MMP16: variants seen among roughly 807,000 people sequenced by gnomAD.
MMP16 encodes matrix metallopeptidase 16.
In MMP16, 12 loss-of-function variants were observed where a neutral mutation model predicts 67.8. That is an observed-to-expected ratio of 0.18 (90% CI 0.11 to 0.29). MMP16 has a LOEUF of 0.29. Among genes scored for constraint, MMP16 ranks in the 10% least tolerant of loss-of-function variants. The pLI, the probability that MMP16 is intolerant of heterozygous loss-of-function variation, is 1.00. For synonymous variants in MMP16, 249 were observed against 255.9 expected (o/e 0.97, Z 0.26); for missense variants, 475 against 765.7 (o/e 0.62, Z 4.48).
At chr8:88,298,898 A>G (rs1811055240) in intron 1 of MMP16, among the ~76,000 whole-genome samples, 1 of 152,166 alleles carries the variant, frequency 6.6e-6, no homozygotes, top group Admixed American at 6.5e-5. Flanking sequence ...TAATTAATTT[A>G]AAATAGCTAC....
chr8:88,290,836 A>C (rs2130017778), intron 1 of MMP16, among the ~76,000 whole-genome samples: 1 of 152,318 alleles, frequency 6.6e-6, no homozygotes, highest in Non-Finnish European at 1.5e-5. Context: ...AAAAGGAAAC[A>C]GGGAAGCAAC....
At chr8:88,289,249 A>G (rs1027462231) in intron 1 of MMP16, among the ~76,000 whole-genome samples, 1 of 152,226 alleles carries the variant, frequency 6.6e-6, no homozygotes. Context: ...AAAGATTAAA[A>G]GGAAAATATC....
chr8:88,301,284 T>G (rs1003691049), intron 1 of MMP16, among the ~76,000 whole-genome samples: 1 of 152,132 alleles, frequency 6.6e-6, no homozygotes, highest in Non-Finnish European at 1.5e-5. Context: ...TCCTCCTCAT[T>G]TCCTCTTTTT....
chr8:88,244,426 A>G (rs1018391102), intron 1 of MMP16, among the ~76,000 whole-genome samples: 2 of 152,238 alleles, frequency 1.3e-5, no homozygotes, highest in African/African-American at 4.8e-5. Flanking sequence ...TTTGAAGAGG[A>G]GTAATTTAAG....
rs1035874197 is a variant in MMP16 at position 88,116,429 on chromosome 8, A to G, written c.1083+78T>C. ...AGAGGGCTGGGAAGGTAGTGTTAGAATGAATGAGAACTTGTTTTCTAAAGC... is the reference window on the plus strand; with the variant it reads ...AGAGGGCTGGGAAGGTAGTGTTAGAGTGAATGAGAACTTGTTTTCTAAAGC... On this transcript the variant is annotated intron_variant, in intron 6 of 9. Coordinates refer to ENST00000286614, the MANE Select transcript of MMP16 (RefSeq NM_005941.5). 10 of 1,274,892 alleles carry G rather than the reference A, an allele frequency of 7.8e-6. No homozygotes were observed. In the East Asian group the frequency reaches 9.6e-5, roughly 12 times the overall value. The allele number at this position is 1,274,892 out of a possible 1,614,324, so 79.0% of individuals were successfully genotyped here.
chr8:88,055,859 T>C (rs967713047), intron 8 of MMP16, among the ~76,000 whole-genome samples: 11 of 152,144 alleles, frequency 7.2e-5, no homozygotes, highest in Non-Finnish European at 1.6e-4. Context: ...ACTGCTTACA[T>C]AGCATTATGG....
At chr8:88,115,408 A>C (rs911433319) in intron 6 of MMP16, among the ~76,000 whole-genome samples, 2 of 152,078 alleles carry the variant, frequency 1.3e-5, no homozygotes, top group Non-Finnish European at 2.9e-5. Context: ...ATTGCAGGGC[A>C]GTTATAGAAT....
intron 6 of MMP16, among the ~76,000 whole-genome samples, chr8:88,075,784 T>C (rs1400668823): frequency 6.6e-6 from 1 of 152,088 alleles, no homozygotes; most frequent in Non-Finnish European, 1.5e-5. Flanking sequence ...ATCACAAAAA[T>C]ACTTCCATTT....
At position 88,327,197 on chromosome 8, in the gene MMP16, G is replaced by A. The variant is rs1475032153; in HGVS notation, c.10C>T (p.Leu4Phe). 6.2e-7 allele frequency: 1 copy of A among 1,613,898 alleles called. No individual in the cohort carries two copies. Among genetic ancestry groups the A allele is most frequent in the African/African-American group, 1.3e-5 (1 of 74,890 alleles). The change falls in exon 1 of 10, where the codon CTC (leucine) becomes TTC (phenylalanine). Residue 4 changes from leucine to phenylalanine, a missense_variant. Physicochemically the swap from Leu to Phe is conservative, Grantham distance 22. This residue lies in a region of MMP16 where 170 missense variants were observed against 239.6 expected (regional missense o/e 0.71). Coordinates refer to ENST00000286614, the MANE Select transcript of MMP16 (RefSeq NM_005941.5). MILLTFSTGRRLDF... is the reference protein window; with the variant it reads MILFTFSTGRRLDF... ...AACCGTCTTCCAGTGCTGAATGTGA[G>A]TAAGATCATAGTGAACTGTGCTTCA...
At chr8:88,232,081 C>T (rs1809868490) in intron 1 of MMP16, among the ~76,000 whole-genome samples, 1 of 152,072 alleles carries the variant, frequency 6.6e-6, no homozygotes, top group East Asian at 1.9e-4. Context: ...GGTTATCATA[C>T]ATTTACTTCC....
chr8:88,217,609 C>T (rs1809615160), intron 1 of MMP16, among the ~76,000 whole-genome samples: 1 of 151,938 alleles, frequency 6.6e-6, no homozygotes, highest in Admixed American at 6.6e-5. Flanking sequence ...TTTATATTAC[C>T]AATCTCTTAT....
chr8:88,088,264 G>C (rs1315353770), intron 6 of MMP16, among the ~76,000 whole-genome samples: 1 of 151,070 alleles, frequency 6.6e-6, no homozygotes, highest in Non-Finnish European at 1.5e-5. Context: ...TATATATAGA[G>C]AGACAGAGAG....
chr8:88,292,585 A>G (rs1357178338), intron 1 of MMP16, among the ~76,000 whole-genome samples: 1 of 152,244 alleles, frequency 6.6e-6, no homozygotes, highest in Non-Finnish European at 1.5e-5. Context: ...AACAGAAATC[A>G]TATGATTGGG....
At chr8:88,079,154 GA>G (rs1808703333) in intron 6 of MMP16, among the ~76,000 whole-genome samples, 1 of 152,056 alleles carries the variant, frequency 6.6e-6, no homozygotes, top group Non-Finnish European at 1.5e-5. Flanking sequence ...CTTGACAGAG[GA>G]AAGCTCTTTT....
At chr8:88,162,529 A>G (rs1426015823) in intron 4 of MMP16, among the ~76,000 whole-genome samples, 6 of 152,066 alleles carry the variant, frequency 3.9e-5, no homozygotes, top group African/African-American at 1.4e-4. Context: ...GTCCATATCA[A>G]GTCCTTCCCT....
At chr8:88,055,829 T>A (rs116528122) in intron 8 of MMP16, among the ~76,000 whole-genome samples, 2 of 152,236 alleles carry the variant, frequency 1.3e-5, no homozygotes, top group African/African-American at 4.8e-5. Flanking sequence ...AAAAGATGCA[T>A]TGCAAGGATA....
intron 1 of MMP16, among the ~76,000 whole-genome samples, chr8:88,216,346 C>T (rs1809594220): frequency 6.6e-6 from 1 of 152,026 alleles, no homozygotes; most frequent in Non-Finnish European, 1.5e-5. Flanking sequence ...GAGTAAACTG[C>T]CAATGAAAGA....
At chr8:88,086,231 A>G (rs1271081090) in intron 6 of MMP16, among the ~76,000 whole-genome samples, 1 of 151,806 alleles carries the variant, frequency 6.6e-6, no homozygotes, top group East Asian at 1.9e-4. Context: ...ATGATGAAGA[A>G]AAGAACAATC....
At chr8:88,074,513 T>C in intron 7 of MMP16, 92 bp downstream of exon 7, 3 of 1,138,840 alleles carry the variant, frequency 2.6e-6, no homozygotes, top group Non-Finnish European at 2.4e-6. Flanking sequence ...CCATAGGCTA[T>C]GTAATCTCAT....
Sources: gnomAD v4.1 joint callset for allele counts (sites outside exome capture counted in the v4.1 genomes callset) on GRCh38, gnomAD v4.1.1 for gene constraint, gnomAD v4.1.1 regional missense constraint, MANE v1.5 for transcripts, NCBI Gene and HGNC (gene_info 2026-07-23, HGNC 2026-07-21) for gene names.